PIN1: variants seen among roughly 807,000 people sequenced by gnomAD.
PIN1 encodes the protein peptidylprolyl cis/trans isomerase, NIMA-interacting 1.
Under a neutral mutation model 19.9 loss-of-function variants are expected in PIN1, and 8 were observed. The ratio of observed to expected loss-of-function variants is 0.40; its 90% confidence interval spans 0.24 to 0.72. The LOEUF is 0.72. Ranked by LOEUF, PIN1 falls within the 30% of genes least tolerant of loss-of-function variation. The probability of loss-of-function intolerance (pLI) is 0.37; values close to 1 mark genes in which losing one functional copy is unlikely to be tolerated. For synonymous variants in PIN1, 86 were observed against 90.8 expected, an observed-to-expected ratio of 0.95 and a Z score of 0.30; for missense variants, 185 against 226.5, an observed-to-expected ratio of 0.82 and a Z score of 1.18.
At chr19:9,844,725 G>T (rs1048229341) in intron 2 of PIN1, among the ~76,000 whole-genome samples, 3 of 152,234 alleles carry the variant, frequency 2.0e-5, no homozygotes, top group African/African-American at 7.2e-5. Context: ...TGTCTTGGAG[G>T]AGGCCCAGGA....
chr19:9,841,376 C>G (rs35237210), intron 2 of PIN1, among the ~76,000 whole-genome samples: 2,305 of 152,264 alleles, frequency 0.015, 53 homozygotes, highest in African/African-American at 0.053. Context: ...GCCCTCACAG[C>G]CTTGTTTCAT....
rs1201429370 is a variant in PIN1 at position 9,849,294 on chromosome 19, C to T, written c.*95C>T. ...CCAGCCAGTGGCCGAACCCCCCACT[C>T]CCTGCCACCGTCACACAGTATTTAT... On this transcript the variant is annotated 3_prime_UTR_variant, in exon 4 of 4. Transcript: ENST00000247970. The T allele has an allele frequency of 2.5e-6, 2 of 794,268 alleles. No homozygotes were observed. The highest frequency in any genetic ancestry group is 4.3e-6 in the Non-Finnish European group (2 of 461,604). 49.2% of individuals were successfully genotyped at this position (794,268 alleles called of 1,614,324 possible). A position where few individuals can be genotyped will look rare whatever the true frequency, so the allele number is the denominator to read the frequency against.
intron 3 of PIN1, 87 bp from the exon 4 acceptor site, chr19:9,849,003 C>T (rs2046247973): frequency 1.3e-6 from 1 of 767,412 alleles, no homozygotes; most frequent in African/African-American, 1.7e-5. Flanking sequence ...GCAGGAGCCC[C>T]ATCTGTCGCG....
At chr19:9,848,359 C>G in intron 3 of PIN1, 4 of 574,790 alleles carry the variant, frequency 7.0e-6, no homozygotes, top group Non-Finnish European at 9.4e-6. Context: ...CTGGCATCAT[C>G]TCTACCCTGG....
chr19:9,843,907 A>G lies in PIN1; in HGVS notation c.272-4123A>G, dbSNP rs535718178. On this transcript the variant is annotated intron_variant, in intron 2 of 3. Coordinates refer to ENST00000247970, the MANE Select transcript of PIN1 (RefSeq NM_006221.4). The stretch of plus-strand genomic sequence containing the variant: ...TACTAAAAATACTAAAAAAAAAGCC[A>G]GATGTAGTGGCGCACACCTGTGATC... 6.6e-5 allele frequency among the ~76,000 whole-genome samples: 10 copies of G among 152,270 alleles called. No individual in the cohort carries two copies. In the South Asian group the frequency reaches 1.7e-3, roughly 25 times the overall value.
chr19:9,840,382 G>A (rs527708804), intron 2 of PIN1, among the ~76,000 whole-genome samples: 2 of 152,132 alleles, frequency 1.3e-5, no homozygotes, highest in East Asian at 3.9e-4. Flanking sequence ...GCGAGACTCC[G>A]TCTCAAAAAA....
rs889042823 is a variant in PIN1, at chr19:9,835,458, C to T, written c.58+56C>T. On this transcript the variant is annotated intron_variant, in intron 1 of 3. Coordinates refer to ENST00000247970, the MANE Select transcript of PIN1 (RefSeq NM_006221.4). Reference sequence around the variant, plus strand: ...TGCGCGGGCCCGCGTAAGCAGGGCTCGAGCTCGCCCCTTGGGCGCGGCGGC... The same window carrying T: ...TGCGCGGGCCCGCGTAAGCAGGGCTTGAGCTCGCCCCTTGGGCGCGGCGGC... The T allele has an allele frequency of 8.9e-6, 11 of 1,239,258 alleles. No homozygotes were observed. The African/African-American group carries it at 1.7e-4, about 20-fold the overall frequency. 76.8% of individuals were successfully genotyped at this position (1,239,258 alleles called of 1,614,324 possible). A position where few individuals can be genotyped will look rare whatever the true frequency, so the allele number is the denominator to read the frequency against.
At chr19:9,836,151 A>G (rs2046102198) in intron 1 of PIN1, 1 of 152,186 alleles carries the variant, frequency 6.6e-6, no homozygotes, top group Non-Finnish European at 1.5e-5. Context: ...TCCCCGTGTC[A>G]CTGCAAACTC....
intron 3 of PIN1, 102 bp downstream of exon 3, chr19:9,848,242 CT>C: frequency 1.4e-6 from 1 of 721,314 alleles, no homozygotes; most frequent in Admixed American, 2.0e-5. Flanking sequence ...CCACACCGGC[CT>C]TCGGGGTCCA....
intron 1 of PIN1, chr19:9,836,804 C>T: frequency 7.8e-7 from 1 of 1,285,518 alleles, no homozygotes; most frequent in Non-Finnish European, 1.0e-6. Context: ...CTGCCTTCCC[C>T]TGTGTGTGCC....
intron 2 of PIN1, among the ~76,000 whole-genome samples, chr19:9,842,040 T>G (rs2046172259): frequency 6.6e-6 from 1 of 151,866 alleles, no homozygotes; most frequent in Non-Finnish European, 1.5e-5. Context: ...GTGCACCTGG[T>G]AAGTAGCCAG....
intron 2 of PIN1, among the ~76,000 whole-genome samples, chr19:9,847,708 G>C (rs1284868215): frequency 2.0e-5 from 1 of 49,762 alleles, no homozygotes; most frequent in Admixed American, 3.3e-4. Flanking sequence ...GTGTGTGCAT[G>C]TGTGTGTGCT....
chr19:9,848,861 C>T (rs1034367130), intron 3 of PIN1, among the ~76,000 whole-genome samples: 1 of 152,166 alleles, frequency 6.6e-6, no homozygotes, highest in Admixed American at 6.5e-5. Context: ...GCCCTGCCTG[C>T]TATCCTTCAT....
At chr19:9,840,388 AAAAAAC>A (rs1039915513) in intron 2 of PIN1, among the ~76,000 whole-genome samples, 17 of 152,290 alleles carry the variant, frequency 1.1e-4, no homozygotes, top group East Asian at 3.9e-4. Context: ...CTCCGTCTCA[AAAAAAC>A]AAAAACAAAA....
chr19:9,841,493 G>A (rs1282241480), intron 2 of PIN1, among the ~76,000 whole-genome samples: 1 of 152,192 alleles, frequency 6.6e-6, no homozygotes, highest in Non-Finnish European at 1.5e-5. Context: ...AGGGAGCTAG[G>A]GGGTGATGAG....
intron 2 of PIN1, among the ~76,000 whole-genome samples, chr19:9,841,760 A>G (rs2046168554): frequency 6.6e-6 from 1 of 152,188 alleles, no homozygotes; most frequent in Admixed American, 6.5e-5. Context: ...GAGAATTGCA[A>G]GATGACCCTT....
intron 1 of PIN1, chr19:9,835,696 C>T (rs993733813): frequency 1.4e-5 from 6 of 432,676 alleles, no homozygotes; most frequent in African/African-American, 1.3e-4. Flanking sequence ...CCTAATGCAC[C>T]TGACACCCCG....
At chr19:9,841,053 G>T (rs1465891585) in intron 2 of PIN1, among the ~76,000 whole-genome samples, 1 of 152,338 alleles carries the variant, frequency 6.6e-6, no homozygotes, top group East Asian at 1.9e-4. Context: ...CATTGCTGTT[G>T]TTGGTTGTGG....
At position 9,849,075 on chromosome 19, in the gene PIN1, C is replaced by T; in HGVS notation, c.383-15C>T. ...GCCCAGCCCTGACACCCCCACCGCC[C>T]CTCCTGGCTCCCAGGTCAGATGCAG... On this transcript the variant is annotated splice_polypyrimidine_tract_variant and intron_variant, in intron 3 of 3. Coordinates refer to ENST00000247970, the MANE Select transcript of PIN1 (RefSeq NM_006221.4). 1 of 1,588,926 alleles carries T rather than the reference C, an allele frequency of 6.3e-7. No individual in the cohort carries two copies. Among genetic ancestry groups the T allele is most frequent in the Non-Finnish European group, 8.6e-7 (1 of 1,157,768 alleles).
Sources: gnomAD v4.1 joint callset for allele counts (sites outside exome capture counted in the v4.1 genomes callset) on GRCh38, gnomAD v4.1.1 for gene constraint, MANE v1.5 for transcripts, NCBI Gene and HGNC (gene_info 2026-07-23, HGNC 2026-07-21) for gene names.